Variants in BTC observed in about 807,000 individuals in gnomAD.
BTC encodes the protein probetacellulin.
BTC carries 13 observed loss-of-function variants against 18.1 expected under a neutral mutation model. That is an observed-to-expected ratio of 0.72 (90% CI 0.47 to 1.14). The LOEUF (loss-of-function observed/expected upper bound fraction) is 1.14, where lower values mean the gene tolerates loss of function less well. BTC is among the 50% of genes most tolerant of loss of function. BTC has a pLI of 0.00. For missense variants in BTC, 247 were observed against 224.2 expected (o/e 1.10, Z -0.65); for synonymous variants, 83 against 79.4 (o/e 1.05, Z -0.24).
At chr4:74,750,825 G>C (rs928548490) in intron 3 of BTC, 106 bp from the exon 4 acceptor site, 1 of 1,420,064 alleles carries the variant, frequency 7.0e-7, no homozygotes, top group Admixed American at 2.4e-5. Context: ...AATTAATAAA[G>C]AACACAGTTC....
chr4:74,769,346 G>GT (rs1235379987), intron 2 of BTC, among the ~76,000 whole-genome samples: 1 of 152,138 alleles, frequency 6.6e-6, no homozygotes. Context: ...GCAAACTGTA[G>GT]TCCAAGGATC....
rs76106322 is a variant in BTC at position 74,762,274 on chromosome 4, A to T, written c.164-6298T>A. 4.0e-3 allele frequency among the ~76,000 whole-genome samples: 615 copies of T among 152,306 alleles called. 10 individuals carry two copies. The highest frequency in any genetic ancestry group is 0.032 in the East Asian group (165 of 5,184). The stretch of plus-strand genomic sequence containing the variant: ...TAAGCAGTTTAGGTTGGTGATTAAC[A>T]ACACACTTTCTAGAGAGATGGTGTC... On this transcript the variant is annotated intron_variant, in intron 2 of 5. Coordinates refer to ENST00000395743, the MANE Select transcript of BTC (RefSeq NM_001729.4).
At chr4:74,784,246 A>AAAAG (rs1725417753) in intron 1 of BTC, among the ~76,000 whole-genome samples, 1 of 151,548 alleles carries the variant, frequency 6.6e-6, no homozygotes, top group African/African-American at 2.4e-5. Context: ...AAAAAAAAAA[A>AAAAG]AAAGAAAAAA....
chr4:74,754,626 C>G (rs1188187733), intron 3 of BTC, among the ~76,000 whole-genome samples: 1 of 152,112 alleles, frequency 6.6e-6, no homozygotes, highest in Non-Finnish European at 1.5e-5. Flanking sequence ...TTTAGAAAAG[C>G]ACTTAGGAAT....
chr4:74,779,485 A>G (rs1725263389), intron 1 of BTC, among the ~76,000 whole-genome samples: 1 of 152,176 alleles, frequency 6.6e-6, no homozygotes, highest in South Asian at 2.1e-4. Context: ...TTCCTTTATA[A>G]TAAGGCCAAA....
chr4:74,764,655 G>T (rs1724849757), intron 2 of BTC, among the ~76,000 whole-genome samples: 2 of 152,108 alleles, frequency 1.3e-5, no homozygotes, highest in Non-Finnish European at 2.9e-5. Flanking sequence ...CCATAAAAAG[G>T]AACAAAATAA....
chr4:74,766,830 T>C (rs1006447079), intron 2 of BTC, among the ~76,000 whole-genome samples: 5 of 152,084 alleles, frequency 3.3e-5, no homozygotes, highest in Non-Finnish European at 7.4e-5. Context: ...GCAATGTCCT[T>C]AATTAATATA....
intron 1 of BTC, 124 bp downstream of exon 1, chr4:74,794,138 C>A: frequency 7.8e-7 from 1 of 1,277,614 alleles, no homozygotes; most frequent in Non-Finnish European, 1.1e-6. Context: ...AGTTCTCCAA[C>A]CCGCGCCTGC....
At chr4:74,778,444 C>T (rs765255512) in intron 1 of BTC, among the ~76,000 whole-genome samples, 8 of 151,968 alleles carry the variant, frequency 5.3e-5, no homozygotes, top group Admixed American at 1.3e-4. Context: ...AGAAAGGAAA[C>T]GAAGCAAAGA....
chr4:74,771,283 T>A (rs1725031932), intron 1 of BTC, among the ~76,000 whole-genome samples: 1 of 152,178 alleles, frequency 6.6e-6, no homozygotes, highest in Admixed American at 6.6e-5. Context: ...CTTAACACGG[T>A]GCTGGTAGGT....
chr4:74,756,038 T>A, intron 2 of BTC, 62 bp from the exon 3 acceptor site: 1 of 1,338,062 alleles, frequency 7.5e-7, no homozygotes, highest in African/African-American at 1.4e-5. Flanking sequence ...GTAAATAGAA[T>A]CATATTCTTA....
At chr4:74,776,177 T>G (rs542565681) in intron 1 of BTC, among the ~76,000 whole-genome samples, 2 of 152,324 alleles carry the variant, frequency 1.3e-5, no homozygotes, top group South Asian at 4.1e-4. Context: ...GTGGCATTTT[T>G]TTTTTACCTT....
At chr4:74,776,591 A>T (rs1207099809) in intron 1 of BTC, among the ~76,000 whole-genome samples, 1 of 152,178 alleles carries the variant, frequency 6.6e-6, no homozygotes, top group East Asian at 1.9e-4. Flanking sequence ...ATGGGGAATG[A>T]AGTCAGTGTA....
At chr4:74,773,915 C>G (rs1323296783) in intron 1 of BTC, among the ~76,000 whole-genome samples, 1 of 152,024 alleles carries the variant, frequency 6.6e-6, no homozygotes, top group African/African-American at 2.4e-5. Context: ...CCCGGCCCGA[C>G]ACACAAATCT....
chr4:74,776,321 C>T (rs1053804765), intron 1 of BTC, among the ~76,000 whole-genome samples: 6 of 152,012 alleles, frequency 3.9e-5, no homozygotes, highest in Non-Finnish European at 8.8e-5. Context: ...TTTTGCAGGA[C>T]CTGAAGAATT....
Position 74,746,108 on chromosome 4 carries a change from G to A in BTC, c.*569C>T, listed in dbSNP as rs149764252. The A allele has an allele frequency of 6.6e-6, 1 of 152,074 alleles. No homozygotes were observed. Among genetic ancestry groups the A allele is most frequent in the Admixed American group, 6.6e-5 (1 of 15,262 alleles). 9.4% of individuals were successfully genotyped at this position (152,074 alleles called of 1,614,324 possible). A position where few individuals can be genotyped will look rare whatever the true frequency, so the allele number is the denominator to read the frequency against. ...ACCGATTCAGACTAACAAAAATGAT[G>A]GTTAAGAGCATAGATTTTGATTTAG... On this transcript the variant is annotated 3_prime_UTR_variant, in exon 6 of 6. Transcript: ENST00000395743.
chr4:74,787,014 A>G (rs941085191), intron 1 of BTC, among the ~76,000 whole-genome samples: 3 of 150,430 alleles, frequency 2.0e-5, no homozygotes, highest in African/African-American at 2.5e-5. Flanking sequence ...CTGGCTGGGC[A>G]TCTTCCACCA....
At chr4:74,749,576 A>C (rs1436872884) in intron 4 of BTC, among the ~76,000 whole-genome samples, 1 of 151,628 alleles carries the variant, frequency 6.6e-6, no homozygotes, top group East Asian at 1.9e-4. Context: ...GAAAGGAATC[A>C]CGAGAACCCT....
intron 1 of BTC, among the ~76,000 whole-genome samples, chr4:74,782,190 T>G (rs1352920926): frequency 6.6e-6 from 1 of 152,168 alleles, no homozygotes; most frequent in African/African-American, 2.4e-5. Context: ...CATAGTGGTT[T>G]GCTACACACA....
Sources: allele counts gnomAD v4.1 joint callset (sites outside exome capture counted in the v4.1 genomes callset), GRCh38; gene constraint gnomAD v4.1.1; transcripts MANE v1.5; gene names NCBI Gene and HGNC (gene_info 2026-07-23, HGNC 2026-07-21).